Variants in FLVCR2 observed in about 807,000 individuals in gnomAD.
FLVCR2 encodes FLVCR choline and putative heme transporter 2.
In FLVCR2, 38 loss-of-function variants were observed where a neutral mutation model predicts 48.9. The ratio of observed to expected loss-of-function variants is 0.78; its 90% confidence interval spans 0.60 to 1.02. The LOEUF (loss-of-function observed/expected upper bound fraction) is 1.02, where lower values mean the gene tolerates loss of function less well. FLVCR2 is among the 50% of genes least tolerant of loss of function. The pLI is 0.00. For synonymous variants in FLVCR2, 255 were observed against 257.0 expected (o/e 0.99, Z 0.07); for missense variants, 664 against 663.3 (o/e 1.00, Z -0.01).
chr14:75,581,360 T>C (rs925447011), intron 1 of FLVCR2, among the ~76,000 whole-genome samples: 4 of 152,236 alleles, frequency 2.6e-5, no homozygotes, highest in Non-Finnish European at 4.4e-5. Flanking sequence ...TTTTGGGCTC[T>C]ATTCTTGACA....
At chr14:75,637,742 A>G (rs946699730) in intron 5 of FLVCR2, among the ~76,000 whole-genome samples, 24 of 151,708 alleles carry the variant, frequency 1.6e-4, no homozygotes, top group African/African-American at 5.1e-4. Context: ...AAAAAAAAAA[A>G]AAAGAAAGAA....
intron 1 of FLVCR2, among the ~76,000 whole-genome samples, chr14:75,583,799 C>T (rs1045940331): frequency 1.3e-5 from 2 of 152,102 alleles, no homozygotes; most frequent in Non-Finnish European, 2.9e-5. Flanking sequence ...GAAACAGGCC[C>T]TTGAAAAGAA....
chr14:75,578,932 G>C lies in FLVCR2; in HGVS notation c.-41G>C. Reference sequence around the variant, plus strand: ...GCCACTGTCCCTTAAGACTGCCGGAGTCCTCACCACTTCTCCAGGATTCCA... The same window carrying C: ...GCCACTGTCCCTTAAGACTGCCGGACTCCTCACCACTTCTCCAGGATTCCA... On this transcript the variant is annotated 5_prime_UTR_variant, in exon 1 of 10. Coordinates refer to ENST00000238667, the MANE Select transcript of FLVCR2 (RefSeq NM_017791.3). 11 of 1,598,740 alleles carry C rather than the reference G, an allele frequency of 6.9e-6. No individual in the cohort carries two copies. The highest frequency in any genetic ancestry group is 9.4e-6 in the Non-Finnish European group (11 of 1,166,158).
At chr14:75,623,951 C>T (rs893060435) in intron 2 of FLVCR2, among the ~76,000 whole-genome samples, 7 of 152,140 alleles carry the variant, frequency 4.6e-5, no homozygotes, top group African/African-American at 1.7e-4. Context: ...ACTCAGGAGG[C>T]TGAGGCACAA....
intron 5 of FLVCR2, among the ~76,000 whole-genome samples, chr14:75,637,522 C>T (rs923224413): frequency 2.0e-5 from 3 of 151,948 alleles, no homozygotes; most frequent in South Asian, 2.1e-4. Flanking sequence ...GTCAGGAGAT[C>T]GAGACCACCC....
intron 1 of FLVCR2, chr14:75,604,276 A>G (rs1889238168): frequency 6.6e-6 from 1 of 152,166 alleles, no homozygotes; most frequent in African/African-American, 2.4e-5. Flanking sequence ...CTGTCGCTAG[A>G]TCTGCTGTGT....
chr14:75,609,602 G>T (rs1000659397), intron 1 of FLVCR2, among the ~76,000 whole-genome samples: 16 of 152,292 alleles, frequency 1.1e-4, no homozygotes, highest in African/African-American at 3.9e-4. Flanking sequence ...TTCTTGAAGT[G>T]CATGCTCCAG....
At chr14:75,631,603 C>CTAACTGA in intron 3 of FLVCR2, 3 of 350,440 alleles carry the variant, frequency 8.6e-6, no homozygotes, top group South Asian at 6.4e-5. Flanking sequence ...GTTAGCAAAG[C>CTAACTGA]AGCTGTTCCC....
chr14:75,605,788 G>C (rs1889276775), intron 1 of FLVCR2: 1 of 656,182 alleles, frequency 1.5e-6, no homozygotes, highest in Admixed American at 2.4e-5. Context: ...TGATTGCACA[G>C]CCCTGCCAGC....
chr14:75,620,255 G>A lies in FLVCR2; in HGVS notation c.670-1824G>A, dbSNP rs936949358. On this transcript the variant is annotated intron_variant, in intron 1 of 9. Coordinates refer to ENST00000238667, the MANE Select transcript of FLVCR2 (RefSeq NM_017791.3). ...GACTCTGACAAACCAGTATGACCAA[G>A]GATCAGCTAAAGCTCCAAGGACACA... Among the ~76,000 whole-genome samples the A allele has an allele frequency of 3.3e-5, 5 of 152,174 alleles. No homozygotes were observed. In the South Asian group the frequency reaches 1.0e-3, roughly 31 times the overall value.
chr14:75,640,748 G>A (rs1788801208), intron 6 of FLVCR2: 2 of 613,464 alleles, frequency 3.3e-6, no homozygotes, highest in Non-Finnish European at 5.9e-6. Context: ...TGAGCACAAG[G>A]TCTCCCTGTG....
intron 5 of FLVCR2, among the ~76,000 whole-genome samples, chr14:75,635,863 A>G (rs1890156492): frequency 3.3e-5 from 5 of 152,010 alleles, no homozygotes; most frequent in African/African-American, 1.2e-4. Context: ...AAGAAAAGAA[A>G]ATGTTTTATC....
At position 75,631,212 on chromosome 14, in the gene FLVCR2, C is replaced by T. The variant is rs1390991997; in HGVS notation, c.953-2417C>T. On this transcript the variant is annotated intron_variant, in intron 3 of 9. Transcript: ENST00000238667. ...TCCCTCTCGCCGCCCTTTAGCCCCG[C>T]TTCAGTCTGCTGTCTGGCCTGGAGC... Among the ~76,000 whole-genome samples, 6 of 152,336 alleles carry T rather than the reference C, an allele frequency of 3.9e-5. No homozygotes were observed. The East Asian group carries it at 9.6e-4, about 24-fold the overall frequency.
At chr14:75,628,326 G>T (rs1449981881) in intron 3 of FLVCR2, among the ~76,000 whole-genome samples, 1 of 152,024 alleles carries the variant, frequency 6.6e-6, no homozygotes, top group Non-Finnish European at 1.5e-5. Context: ...TGTTGACCAG[G>T]CTGGTCTCGA....
At chr14:75,605,456 C>G in intron 1 of FLVCR2, 1 of 1,494,838 alleles carries the variant, frequency 6.7e-7, no homozygotes, top group Non-Finnish European at 8.9e-7. Flanking sequence ...GGTGGCCCAG[C>G]CAGACACTTC....
At chr14:75,634,405 T>C (rs1193989416) in intron 4 of FLVCR2, among the ~76,000 whole-genome samples, 2 of 152,206 alleles carry the variant, frequency 1.3e-5, no homozygotes, top group African/African-American at 4.8e-5. Flanking sequence ...AACCTTATGA[T>C]GGGGAATGGC....
chr14:75,619,639 T>C (rs1020506149), intron 1 of FLVCR2, among the ~76,000 whole-genome samples: 6 of 152,188 alleles, frequency 3.9e-5, no homozygotes, highest in African/African-American at 1.4e-4. Flanking sequence ...CAGCTTACAG[T>C]CTAATCCTGA....
chr14:75,607,521 C>T (rs1173078714), intron 1 of FLVCR2, among the ~76,000 whole-genome samples: 2 of 152,076 alleles, frequency 1.3e-5, no homozygotes, highest in Non-Finnish European at 2.9e-5. Context: ...GGGAAGAGAG[C>T]AGGGCTGGGA....
At chr14:75,612,467 AC>A in intron 1 of FLVCR2, among the ~76,000 whole-genome samples, 2 of 152,026 alleles carry the variant, frequency 1.3e-5, no homozygotes, top group Admixed American at 1.3e-4. Flanking sequence ...AAATCCATAA[AC>A]CCCCTTCCTG....
Sources: gnomAD v4.1 joint callset for allele counts (sites outside exome capture counted in the v4.1 genomes callset) on GRCh38, gnomAD v4.1.1 for gene constraint, MANE v1.5 for transcripts, NCBI Gene and HGNC (gene_info 2026-07-23, HGNC 2026-07-21) for gene names.